THOC2: variants seen among roughly 807,000 people sequenced by gnomAD.
THOC2 encodes the protein THO complex 2.
A neutral mutation model predicts 128.4 loss-of-function variants in THOC2; 10 were observed. The ratio of observed to expected loss-of-function variants is 0.08; its 90% CI spans 0.05 to 0.13. THOC2 has a LOEUF of 0.13. Ranked by LOEUF, THOC2 falls within the 10% of genes least tolerant of loss-of-function variation. THOC2 has a pLI of 1.00. For synonymous variants in THOC2, 393 were observed against 396.9 expected (o/e 0.99, Z 0.12); for missense variants, 535 against 1,155.7 (o/e 0.46, Z 7.79).
chrX:123,616,790 G>C (rs1198577776), intron 33 of THOC2, among the ~76,000 whole-genome samples: 1 of 110,225 alleles, frequency 9.1e-6, no homozygotes, highest in Non-Finnish European at 1.9e-5. Flanking sequence ...AGGGTGAACT[G>C]ACAGAAAAGA....
chrX:123,656,902 A>C (rs2147764932), intron 12 of THOC2, among the ~76,000 whole-genome samples: 1 of 107,827 alleles, frequency 9.3e-6, no homozygotes, highest in African/African-American at 3.4e-5. Flanking sequence ...CCCAGCTACT[A>C]GAGAGGCTAA....
chrX:123,630,211 C>G lies in THOC2; in HGVS notation c.2481+1477G>C, dbSNP rs1248720478. Among the ~76,000 whole-genome samples, 6 of 112,145 alleles carry G rather than the reference C, an allele frequency of 5.4e-5. 1 individual carries two copies. Among genetic ancestry groups the G allele is most frequent in the African/African-American group, 1.9e-4 (6 of 30,827 alleles). On this transcript the variant is annotated intron_variant, in intron 22 of 38. Coordinates refer to ENST00000245838, the MANE Select transcript of THOC2 (RefSeq NM_001081550.2). The stretch of plus-strand genomic sequence containing the variant: ...TCACACCTTCAGTCAAATGAAGAGA[C>G]ATAACAGTTCTACATTTCAAATTGC...
At chrX:123,730,429 C>T (rs1211704361) in intron 1 of THOC2, among the ~76,000 whole-genome samples, 1 of 111,670 alleles carries the variant, frequency 9.0e-6, no homozygotes, top group Non-Finnish European at 1.9e-5. Context: ...CCACCCGCCT[C>T]GGCCTCCCAA....
At chrX:123,730,501 T>C (rs1327840934) in intron 1 of THOC2, among the ~76,000 whole-genome samples, 16 of 112,559 alleles carry the variant, frequency 1.4e-4, no homozygotes. Flanking sequence ...TTTAAGCAGC[T>C]CTTCAAACAT....
chrX:123,724,616 C>T (rs1478987307), intron 1 of THOC2, among the ~76,000 whole-genome samples: 1 of 111,390 alleles, frequency 9.0e-6, no homozygotes, highest in Non-Finnish European at 1.9e-5. Flanking sequence ...ACCCAGGAGG[C>T]AGAGGTTGCA....
At position 123,625,887 on chromosome X, in the gene THOC2, T is replaced by C. The variant is rs747647270; in HGVS notation, c.3057+25A>G. On this transcript the variant is annotated intron_variant, in intron 25 of 38. Transcript: ENST00000245838. ...GTTAGCTATCTTTGTGTGAGAACTT[T>C]TTAAAGGTTGCAATAAAAACTTACT... The C allele has an allele frequency of 3.3e-6, 4 of 1,196,048 alleles. No individual in the cohort carries two copies. In the African/African-American group the frequency reaches 7.1e-5, roughly 21 times the overall value.
chrX:123,615,231 T>C (rs2046845221), intron 33 of THOC2, among the ~76,000 whole-genome samples: 1 of 111,451 alleles, frequency 9.0e-6, no homozygotes, highest in African/African-American at 3.2e-5. Flanking sequence ...AAGTCAAATA[T>C]TTTTACATGA....
At chrX:123,639,085 C>A in intron 16 of THOC2, 58 bp from the exon 17 acceptor site, 2 of 526,885 alleles carry the variant, frequency 3.8e-6, no homozygotes, top group South Asian at 4.8e-5. Flanking sequence ...TTCTACTGTG[C>A]CAACTAAGTA....
chrX:123,684,034 CGTT>C (rs1161449259), intron 8 of THOC2, among the ~76,000 whole-genome samples: 5 of 109,677 alleles, frequency 4.6e-5, no homozygotes, highest in African/African-American at 1.3e-4. Context: ...GAAAAATGGT[CGTT>C]GTCTACAAAA....
At chrX:123,730,029 T>A (rs2052158697) in intron 1 of THOC2, among the ~76,000 whole-genome samples, 1 of 112,200 alleles carries the variant, frequency 8.9e-6, no homozygotes, top group Admixed American at 9.4e-5. Context: ...ATTCTCTTCC[T>A]GTAACAGAAT....
chrX:123,666,782 GC>G (rs964070155), intron 11 of THOC2, among the ~76,000 whole-genome samples: 1 of 111,506 alleles, frequency 9.0e-6, no homozygotes, highest in Non-Finnish European at 1.9e-5. Context: ...GGAATTCTTT[GC>G]CCCTCCCACC....
rs1275793568 is a variant in THOC2 at position 123,615,709 on chromosome X, T to C, written c.4312-1520A>G. On this transcript the variant is annotated intron_variant, in intron 33 of 38. Coordinates refer to ENST00000245838, the MANE Select transcript of THOC2 (RefSeq NM_001081550.2). ...CCTTATTAATAATGAAGTTTTGAAC[T>C]GTGCTTACTTTCTGTACTGTGAGGA... Among the ~76,000 whole-genome samples the C allele has an allele frequency of 6.4e-5, 7 of 108,985 alleles. No individual in the cohort carries two copies. The Admixed American group carries it at 6.9e-4, about 11-fold the overall frequency. 94.6% of individuals were successfully genotyped at this position (108,985 alleles called of 115,157 possible).
chrX:123,632,476 T>G (rs1603251836), intron 21 of THOC2, among the ~76,000 whole-genome samples: 3 of 66,315 alleles, frequency 4.5e-5, no homozygotes, highest in African/African-American at 6.7e-5. Flanking sequence ...GGTAACAGAG[T>G]GAGGCTTTGT....
At chrX:123,654,531 G>A (rs931431352) in intron 12 of THOC2, among the ~76,000 whole-genome samples, 4 of 107,296 alleles carry the variant, frequency 3.7e-5, no homozygotes, top group Non-Finnish European at 5.8e-5. Context: ...CTGAGACCAC[G>A]GATCACGAGG....
chrX:123,641,541 T>G (rs1039792112), intron 15 of THOC2, among the ~76,000 whole-genome samples: 3 of 111,420 alleles, frequency 2.7e-5, no homozygotes, highest in Non-Finnish European at 5.6e-5. Flanking sequence ...AGACCATTAG[T>G]TTTAAAAGTT....
intron 12 of THOC2, among the ~76,000 whole-genome samples, chrX:123,656,790 A>T (rs773688211): frequency 1.8e-5 from 2 of 111,426 alleles, no homozygotes; most frequent in South Asian, 3.8e-4. Context: ...TGGGTAGATC[A>T]TCTAAGGTCA....
intron 11 of THOC2, among the ~76,000 whole-genome samples, chrX:123,666,685 G>A (rs2147801723): frequency 8.9e-6 from 1 of 112,001 alleles, no homozygotes; most frequent in African/African-American, 3.2e-5. Flanking sequence ...CTATATGCCA[G>A]GAAAGGTAAG....
chrX:123,698,454 T>C (rs2050541068), intron 4 of THOC2, among the ~76,000 whole-genome samples: 1 of 88,969 alleles, frequency 1.1e-5, no homozygotes, highest in Middle Eastern at 6.0e-3. Flanking sequence ...CGAGACTCTG[T>C]CTCAAAAAAA....
intron 10 of THOC2, among the ~76,000 whole-genome samples, chrX:123,667,714 G>A (rs2049103615): frequency 9.1e-6 from 1 of 109,836 alleles, no homozygotes; most frequent in Non-Finnish European, 1.9e-5. Context: ...ACTCCAGCCC[G>A]GGTGAAAGAG....
Sources: allele counts gnomAD v4.1 joint callset (sites outside exome capture counted in the v4.1 genomes callset), GRCh38; gene constraint gnomAD v4.1.1; transcripts MANE v1.5; gene names NCBI Gene and HGNC (gene_info 2026-07-23, HGNC 2026-07-21).